Variants in RASA3 observed in about 807,000 individuals in gnomAD.
The protein encoded by RASA3 is ras GTPase-activating protein 3.
A neutral mutation model predicts 110.0 loss-of-function variants in RASA3; 73 were observed. That is an observed-to-expected ratio of 0.66 (90% confidence interval 0.55 to 0.81). The LOEUF (loss-of-function observed/expected upper bound fraction) is 0.81. RASA3 is among the 30% of genes least tolerant of loss of function. RASA3 has a pLI of 0.00. For synonymous variants in RASA3, 500 were observed against 451.4 expected, an observed-to-expected ratio of 1.11 and a Z score of -1.37; for missense variants, 976 against 1,113.2, an observed-to-expected ratio of 0.88 and a Z score of 1.75.
chr13:113,988,947 T>C (rs544022978), intron 22 of RASA3, among the ~76,000 whole-genome samples: 29 of 126,538 alleles, frequency 2.3e-4, no homozygotes, highest in African/African-American at 8.0e-4. Flanking sequence ...TCACTCACCC[T>C]GTCCGTACAC....
chr13:114,094,046 C>T (rs938008830), intron 1 of RASA3, among the ~76,000 whole-genome samples: 6 of 152,112 alleles, frequency 3.9e-5, no homozygotes, highest in Non-Finnish European at 8.8e-5. Context: ...CATGTTAGGG[C>T]CCGTCTCTCG....
chr13:114,117,880 T>C (rs2080315187), intron 1 of RASA3, among the ~76,000 whole-genome samples: 4 of 145,250 alleles, frequency 2.8e-5, no homozygotes, highest in East Asian at 2.1e-4. Flanking sequence ...TGAGCACGTG[T>C]GTGAGGGGTG....
At chr13:114,072,113 TCC>T (rs1178445698) in intron 2 of RASA3, among the ~76,000 whole-genome samples, 6 of 151,852 alleles carry the variant, frequency 4.0e-5, no homozygotes, top group African/African-American at 9.7e-5. Context: ...GCCCCATGCT[TCC>T]CCCGAGGCCG....
chr13:114,021,539 G>A lies in RASA3; in HGVS notation c.681-31C>T. 3 of 1,593,802 alleles carry A rather than the reference G, an allele frequency of 1.9e-6. No individual in the cohort carries two copies. In the African/African-American group the frequency reaches 4.0e-5, roughly 21 times the overall value. On this transcript the variant is annotated intron_variant, in intron 8 of 23. Coordinates refer to ENST00000334062, the MANE Select transcript of RASA3 (RefSeq NM_007368.4). ...AAACAGCATCAGGACAGCTCTAGCTGACGGCGGGCAGCCCGTGTGGAGCAA... is the reference window on the plus strand; with the variant it reads ...AAACAGCATCAGGACAGCTCTAGCTAACGGCGGGCAGCCCGTGTGGAGCAA...
At chr13:114,024,391 G>T in intron 7 of RASA3, 36 bp from the exon 8 acceptor site, 2 of 1,595,980 alleles carry the variant, frequency 1.3e-6, no homozygotes, top group South Asian at 1.1e-5. Flanking sequence ...CTGAGACCGC[G>T]GTGCCACCAG....
At chr13:114,028,001 A>G (rs928951878) in intron 5 of RASA3, 74 bp from the exon 6 acceptor site, 30 of 1,298,486 alleles carry the variant, frequency 2.3e-5, no homozygotes, top group Non-Finnish European at 3.1e-5. Context: ...GCTCTGGGTC[A>G]GGCAGGAGGC....
chr13:114,026,507 C>A (rs2054028207), intron 7 of RASA3, among the ~76,000 whole-genome samples: 1 of 152,258 alleles, frequency 6.6e-6, no homozygotes, highest in Admixed American at 6.5e-5. Context: ...CAAGTTCCCA[C>A]CTCTGCCTGT....
intron 3 of RASA3, among the ~76,000 whole-genome samples, chr13:114,044,981 CAG>C (rs893732211): frequency 6.6e-6 from 1 of 152,100 alleles, no homozygotes; most frequent in African/African-American, 2.4e-5. Flanking sequence ...AACACAGAAA[CAG>C]AACAAAATCC....
At chr13:114,074,225 T>A (rs1239896053) in intron 1 of RASA3, among the ~76,000 whole-genome samples, 2 of 152,324 alleles carry the variant, frequency 1.3e-5, no homozygotes, top group Non-Finnish European at 2.9e-5. Context: ...CCGTCCTCTC[T>A]GGAACACTCT....
chr13:113,981,121 T>G (rs2052923363), intron 23 of RASA3, among the ~76,000 whole-genome samples: 1 of 152,188 alleles, frequency 6.6e-6, no homozygotes, highest in East Asian at 1.9e-4. Flanking sequence ...TAAGTCAATC[T>G]TCCAGCAACT....
Position 114,065,838 on chromosome 13 carries a change from T to G in RASA3, c.173+7882A>C, listed in dbSNP as rs761311544. 1.2e-3 allele frequency among the ~76,000 whole-genome samples: 189 copies of G among 152,284 alleles called. 1 individual carries two copies. The highest frequency in any genetic ancestry group is 3.4e-3 in the Middle Eastern group (1 of 292). On this transcript the variant is annotated intron_variant, in intron 2 of 23. Coordinates refer to ENST00000334062, the MANE Select transcript of RASA3 (RefSeq NM_007368.4). This position sits in a 1 kb window ranked among gnomAD's most constrained non-coding sequence, Gnocchi z 4.1. ...ACACACACTGGGTTGCAGCCTCCTG[T>G]GGTTCAAGATGGGTGGGGTTATTTT...
chr13:114,099,956 C>T (rs1246547063), intron 1 of RASA3, among the ~76,000 whole-genome samples: 1 of 33,116 alleles, frequency 3.0e-5, no homozygotes, highest in Admixed American at 3.3e-4. Flanking sequence ...ACAGCCCCCA[C>T]ATGCTCCACT....
chr13:114,055,662 CT>C (rs2079232128), intron 2 of RASA3, among the ~76,000 whole-genome samples: 1 of 152,232 alleles, frequency 6.6e-6, no homozygotes, highest in Non-Finnish European at 1.5e-5. Context: ...TTCAGGGCCA[CT>C]GAGGCCTAAG....
At chr13:114,097,864 C>T (rs1381893562) in intron 1 of RASA3, among the ~76,000 whole-genome samples, 2 of 152,220 alleles carry the variant, frequency 1.3e-5, no homozygotes, top group African/African-American at 4.8e-5. Flanking sequence ...CAAGGCCCCA[C>T]CATGGGGTCT....
chr13:114,075,711 C>T (rs1414751268), intron 1 of RASA3, among the ~76,000 whole-genome samples: 1 of 88,960 alleles, frequency 1.1e-5, no homozygotes, highest in Non-Finnish European at 2.1e-5. Flanking sequence ...GCCGGCAGGA[C>T]GAAGCCGCCC....
At chr13:114,106,547 G>A (rs952479797) in intron 1 of RASA3, among the ~76,000 whole-genome samples, 2 of 152,194 alleles carry the variant, frequency 1.3e-5, no homozygotes, top group Admixed American at 1.3e-4. Flanking sequence ...ATAAAACAAT[G>A]TAATTCGGAG....
At position 114,048,870 on chromosome 13, in the gene RASA3, G is replaced by A. The variant is rs1278790874; in HGVS notation, c.277+3182C>T. On this transcript the variant is annotated intron_variant, in intron 3 of 23. Transcript: ENST00000334062. The surrounding 1 kb of genome is among the most constrained non-coding windows in gnomAD (Gnocchi z 4.3). ...GCTGACTGCAGCCGGTGGAGGTGCC[G>A]GGGTGGGCTGGGGAGGGCTGAGGGC... Among the ~76,000 whole-genome samples the A allele has an allele frequency of 1.3e-5, 2 of 152,066 alleles. No homozygotes were observed. Among genetic ancestry groups the A allele is most frequent in the South Asian group, 2.1e-4 (1 of 4,824 alleles).
intron 1 of RASA3, among the ~76,000 whole-genome samples, chr13:114,091,022 A>C (rs1301805653): frequency 6.6e-6 from 1 of 152,224 alleles, no homozygotes; most frequent in East Asian, 1.9e-4. Context: ...GTCCAAGATT[A>C]AAAATTAAGA....
chr13:114,017,097 T>C (rs1228052783), intron 12 of RASA3, 140 bp downstream of exon 12: 4 of 717,828 alleles, frequency 5.6e-6, no homozygotes, highest in African/African-American at 1.7e-5. Context: ...AGTGAATGAA[T>C]CAGCATCCCC....
Sources: allele counts gnomAD v4.1 joint callset (sites outside exome capture counted in the v4.1 genomes callset), GRCh38; gene constraint gnomAD v4.1.1; non-coding constraint Gnocchi (gnomAD v3.1); transcripts MANE v1.5; gene names NCBI Gene and HGNC (gene_info 2026-07-23, HGNC 2026-07-21).